TRPM1: variants seen among roughly 807,000 people sequenced by gnomAD.
The protein encoded by TRPM1 is TRPM1-203 APA Isoform, Intron 10.
TRPM1 carries 113 observed loss-of-function variants against 149.4 expected under a neutral mutation model. That is an observed-to-expected ratio of 0.76 (90% CI 0.65 to 0.88). TRPM1 has a LOEUF of 0.88. Among genes scored for constraint, TRPM1 ranks in the 40% least tolerant of loss-of-function variants. TRPM1 has a pLI of 0.00. For synonymous variants in TRPM1, 741 were observed against 759.5 expected, an observed-to-expected ratio of 0.98 and a Z score of 0.40; for missense variants, 1,976 against 2,038.7, an observed-to-expected ratio of 0.97 and a Z score of 0.59.
At chr15:31,092,297 G>A (rs1029600768) in intron 1 of TRPM1, among the ~76,000 whole-genome samples, 5 of 152,030 alleles carry the variant, frequency 3.3e-5, no homozygotes, top group Admixed American at 6.5e-5. Flanking sequence ...GTGTCGGTGC[G>A]TTGTAAGTCT....
chr15:31,152,782 A>G (rs1446231439), intron 1 of TRPM1, among the ~76,000 whole-genome samples: 3 of 152,168 alleles, frequency 2.0e-5, no homozygotes, highest in Non-Finnish European at 4.4e-5. Context: ...AGCTGGGACC[A>G]CAGGCACACA....
rs62038953 is a variant in TRPM1, at chr15:31,148,258, C to G, written c.54+12648G>C. On this transcript the variant is annotated intron_variant, in intron 1 of 26. Transcript: ENST00000542188. ...ATGAAATGGATCTGAATGGTAGGTG[C>G]GAGGACAGCAGGACCCGGCTCCTTG... Among the ~76,000 whole-genome samples the G allele has an allele frequency of 4.6e-3, 705 of 152,244 alleles. 6 individuals are homozygous for G. The highest frequency in any genetic ancestry group is 6.9e-3 in the Admixed American group (105 of 15,300).
intron 1 of TRPM1, among the ~76,000 whole-genome samples, chr15:31,155,862 A>T (rs1317354315): frequency 2.6e-5 from 4 of 152,160 alleles, no homozygotes; most frequent in African/African-American, 9.7e-5. Flanking sequence ...AATGTGACTT[A>T]CTTTCCAACC....
chr15:31,025,875 G>A (rs2032714426), intron 27 of TRPM1, among the ~76,000 whole-genome samples: 1 of 152,254 alleles, frequency 6.6e-6, no homozygotes, highest in African/African-American at 2.4e-5. Context: ...CCCCCACTTT[G>A]GGGTAGGGGG....
chr15:31,012,201 A>G (rs1222455746), intron 27 of TRPM1, among the ~76,000 whole-genome samples: 1 of 152,204 alleles, frequency 6.6e-6, no homozygotes, highest in Non-Finnish European at 1.5e-5. Flanking sequence ...AGTTAAATTT[A>G]CTGGTCCTCT....
chr15:31,041,811 A>G (rs2033625125), intron 17 of TRPM1, 140 bp downstream of exon 17: 3 of 948,878 alleles, frequency 3.2e-6, no homozygotes, highest in Middle Eastern at 2.8e-4. Flanking sequence ...AAATGCTGAC[A>G]TGACAGACGA....
chr15:31,092,658 G>C (rs55840077), intron 1 of TRPM1, among the ~76,000 whole-genome samples: 28,535 of 152,136 alleles, frequency 0.19, 3,674 homozygotes, highest in African/African-American at 0.37. Flanking sequence ...GAGGTTTACT[G>C]GAAATATACT....
intron 1 of TRPM1, among the ~76,000 whole-genome samples, chr15:31,131,603 A>G (rs1208148376): frequency 6.6e-6 from 1 of 152,222 alleles, no homozygotes; most frequent in Non-Finnish European, 1.5e-5. Context: ...GTTCAGTACC[A>G]GCTACCCTTT....
In TRPM1 at chr15:31,018,624, C is replaced by T. The variant is rs150009306; in HGVS notation, c.3629+7515G>A. On this transcript the variant is annotated intron_variant, in intron 27 of 27. Transcript: ENST00000256552. ...CTGACCTCAGGTGATCCACCTGCCT[C>T]AGCACCCAAAGTGCTGGATTACAGG... Among the ~76,000 whole-genome samples, 414 of 152,072 alleles carry T rather than the reference C, an allele frequency of 2.7e-3. 1 individual carries two copies. Among genetic ancestry groups the T allele is most frequent in the African/African-American group, 9.4e-3 (391 of 41,458 alleles).
At position 31,081,733 on chromosome 15, in the gene TRPM1, C is replaced by T. The variant is rs144404525; in HGVS notation, c.-83-295G>A. Among the ~76,000 whole-genome samples, 1,086 of 152,262 alleles carry T rather than the reference C, an allele frequency of 7.1e-3. 4 individuals carry two copies. The highest frequency in any genetic ancestry group is 0.01 in the Non-Finnish European group (702 of 68,002). The stretch of plus-strand genomic sequence containing the variant: ...TGCCTCCAGGAGGGCCTGGCGAGAG[C>T]TCAACATCTCCTAATGACTCAGTGA... On this transcript the variant is annotated intron_variant, in intron 1 of 27. Coordinates refer to ENST00000256552, the MANE Select transcript of TRPM1 (RefSeq NM_001252024.2).
chr15:31,055,015 T>C (rs980678977), intron 11 of TRPM1, among the ~76,000 whole-genome samples: 1 of 152,224 alleles, frequency 6.6e-6, no homozygotes, highest in African/African-American at 2.4e-5. Context: ...AAAATATAGA[T>C]AGAAGAATTT....
At chr15:31,104,983 G>C (rs1472618874), upstream of TRPM1, among the ~76,000 whole-genome samples, 1 of 152,078 alleles carries the variant, frequency 6.6e-6, no homozygotes, top group Non-Finnish European at 1.5e-5. Flanking sequence ...GGGCAGATTT[G>C]GTCACTCTGA....
At chr15:31,119,594 G>T (rs2035849613) in intron 1 of TRPM1, among the ~76,000 whole-genome samples, 1 of 152,036 alleles carries the variant, frequency 6.6e-6, no homozygotes, top group Non-Finnish European at 1.5e-5. Context: ...ATAAATAAAG[G>T]TAAAGTAAAA....
intron 18 of TRPM1, among the ~76,000 whole-genome samples, chr15:31,039,876 C>G (rs546218590): frequency 6.6e-6 from 1 of 152,236 alleles, no homozygotes; most frequent in East Asian, 1.9e-4. Flanking sequence ...AGGTGGGGCT[C>G]TGGAGTTAGA....
In TRPM1 at chr15:31,069,609, C is replaced by T. The variant is rs192101942; in HGVS notation, c.279+422G>A. Reference sequence around the variant, plus strand: ...GTGAGGGACCTTGGTCCTTCTCGGGCCAGCTGAGCGCAGGCCCAGGGAAGC... The same window carrying T: ...GTGAGGGACCTTGGTCCTTCTCGGGTCAGCTGAGCGCAGGCCCAGGGAAGC... On this transcript the variant is annotated intron_variant, in intron 4 of 27. Coordinates refer to ENST00000256552, the MANE Select transcript of TRPM1 (RefSeq NM_001252024.2). 4 of 1,290,304 alleles carry T rather than the reference C, an allele frequency of 3.1e-6. No homozygotes were observed. In the East Asian group the frequency reaches 8.7e-5, roughly 28 times the overall value. The allele number at this position is 1,290,304 out of a possible 1,614,324, so 79.9% of individuals were successfully genotyped here. A position where few individuals can be genotyped will look rare whatever the true frequency, so the allele number is the denominator to read the frequency against.
intron 13 of TRPM1, among the ~76,000 whole-genome samples, chr15:31,048,932 T>C (rs1191276423): frequency 6.6e-6 from 1 of 152,176 alleles, no homozygotes; most frequent in Admixed American, 6.5e-5. Context: ...TGTAATAATA[T>C]AAGCCAAGGG....
At chr15:31,075,119 T>C (rs2034656332) in intron 3 of TRPM1, among the ~76,000 whole-genome samples, 1 of 152,248 alleles carries the variant, frequency 6.6e-6, no homozygotes, top group South Asian at 2.1e-4. Flanking sequence ...GAATGTTCCA[T>C]ATGCACTTGA....
intron 1 of TRPM1, among the ~76,000 whole-genome samples, chr15:31,131,503 G>A (rs1465132129): frequency 6.6e-6 from 1 of 152,218 alleles, no homozygotes; most frequent in East Asian, 1.9e-4. Context: ...CGGCCACCAT[G>A]TGCGATAAGA....
At chr15:31,104,619 A>C (rs566210535), upstream of TRPM1, among the ~76,000 whole-genome samples, 305 of 92,482 alleles carry the variant, frequency 3.3e-3, no homozygotes, top group Middle Eastern at 0.014. Flanking sequence ...TTTGAGACGG[A>C]GTCTTGCTCT....
Sources: gnomAD v4.1 joint callset for allele counts (sites outside exome capture counted in the v4.1 genomes callset) on GRCh38, gnomAD v4.1.1 for gene constraint, MANE v1.5 for transcripts, NCBI Gene and HGNC (gene_info 2026-07-23, HGNC 2026-07-21) for gene names.